Variants in ZNF616 observed in about 807,000 individuals in gnomAD.
The protein encoded by ZNF616 is zinc finger protein 616.
ZNF616 carries 5 observed loss-of-function variants against 7.6 expected under a neutral mutation model. The ratio of observed to expected loss-of-function variants is 0.66; its 90% CI spans 0.34 to 1.38. The LOEUF (loss-of-function observed/expected upper bound fraction) is 1.38. Among genes scored for constraint, ZNF616 ranks in the 40% most tolerant of loss-of-function variants. The pLI, the probability that ZNF616 is intolerant of heterozygous loss-of-function variation, is 0.04. For synonymous variants in ZNF616, 319 were observed against 317.2 expected, an observed-to-expected ratio of 1.01 and a Z score of -0.06; for missense variants, 913 against 948.3, an observed-to-expected ratio of 0.96 and a Z score of 0.49.
intron 3 of ZNF616, among the ~76,000 whole-genome samples, chr19:52,122,637 ATTT>A (rs531564625): frequency 7.0e-6 from 1 of 142,750 alleles, no homozygotes. Flanking sequence ...TCCATTAACA[ATTT>A]TTTTTTTTTT....
rs1293795447 is a variant in ZNF616 at position 52,128,145 on chromosome 19, T to C, written c.12+2356A>G. ...ACTACCCTAAGGTGCAATGGTGTCC[T>C]CATACACCAACGACACATATTGGGT... On this transcript the variant is annotated intron_variant, in intron 2 of 3. Transcript: ENST00000600228. 2.0e-5 allele frequency among the ~76,000 whole-genome samples: 3 copies of C among 147,334 alleles called. No individual in the cohort carries two copies. In the East Asian group the frequency reaches 6.1e-4, roughly 30 times the overall value.
chr19:52,115,634 C>T lies in ZNF616; in HGVS notation c.1530G>A (p.Val510=), dbSNP rs758804951. ...KVFSQHSRLA[V]HRRIHTGEKP... is the part of the protein sequence containing the mutation. Reference sequence around the variant, plus strand: ...TCTCTCCAGTATGAATTCTCCGATGCACTGCAAGACGTGAATGTTGACTGA... The same window carrying T: ...TCTCTCCAGTATGAATTCTCCGATGTACTGCAAGACGTGAATGTTGACTGA... The change falls in exon 4 of 4, where the codon GTG becomes GTA. Residue 510 remains valine, a synonymous_variant. Transcript: ENST00000600228. 1 of 1,613,784 alleles carries T rather than the reference C, an allele frequency of 6.2e-7. No homozygotes were observed. Among genetic ancestry groups the T allele is most frequent in the East Asian group, 2.2e-5 (1 of 44,774 alleles).
chr19:52,123,380 T>C (rs1340863073), intron 3 of ZNF616, among the ~76,000 whole-genome samples: 1 of 152,046 alleles, frequency 6.6e-6, no homozygotes, highest in Non-Finnish European at 1.5e-5. Flanking sequence ...CCAAGCGTAC[T>C]GGCTCAAGCC....
At chr19:52,123,885 A>C in intron 3 of ZNF616, 38 bp downstream of exon 3, 1 of 1,612,696 alleles carries the variant, frequency 6.2e-7, no homozygotes. Flanking sequence ...AAAATGCACA[A>C]GGGCGAATCT....
intron 3 of ZNF616, among the ~76,000 whole-genome samples, chr19:52,123,518 G>A (rs1160965927): frequency 6.6e-6 from 1 of 152,136 alleles, no homozygotes; most frequent in Admixed American, 6.5e-5. Flanking sequence ...CATAATTCCA[G>A]CTACTTGGGA....
intron 3 of ZNF616, among the ~76,000 whole-genome samples, chr19:52,119,597 C>G (rs2088851294): frequency 6.6e-6 from 1 of 152,020 alleles, no homozygotes; most frequent in Non-Finnish European, 1.5e-5. Flanking sequence ...GAGTAATGTG[C>G]ATGGGGCAGC....
At chr19:52,134,522 G>A (rs1191670845) in intron 1 of ZNF616, among the ~76,000 whole-genome samples, 2 of 152,214 alleles carry the variant, frequency 1.3e-5, no homozygotes, top group Non-Finnish European at 2.9e-5. Context: ...TAGCTGAAGT[G>A]AGCCGGGGAG....
At chr19:52,130,674 G>T in intron 1 of ZNF616, 86 bp from the exon 2 acceptor site, 1 of 995,198 alleles carries the variant, frequency 1.0e-6, no homozygotes, top group Non-Finnish European at 1.5e-6. Flanking sequence ...GAAGAACTCA[G>T]CCTGTGGAGA....
chr19:52,116,579 T>C lies in ZNF616; in HGVS notation c.585A>G (p.Lys195=). Residue 195 remains lysine (K), a synonymous_variant, in exon 4 of 4, where the codon AAA becomes AAG. Coordinates refer to ENST00000600228, the MANE Select transcript of ZNF616 (RefSeq NM_178523.5). ...YVCNECGKAF[K]ASSSLINHQR... ...GATGATTAATAAGGCTGGAAGACGCTTTAAAGGCTTTGCCACATTCATTAC... is the reference window on the plus strand; with the variant it reads ...GATGATTAATAAGGCTGGAAGACGCCTTAAAGGCTTTGCCACATTCATTAC... 2 of 1,614,024 alleles carry C rather than the reference T, an allele frequency of 1.2e-6. No homozygotes were observed. Among genetic ancestry groups the C allele is most frequent in the Non-Finnish European group, 1.7e-6 (2 of 1,179,978 alleles).
Position 52,130,605 on chromosome 19 carries a change from C to A in ZNF616, c.-76-17G>T, listed in dbSNP as rs1435695841. 66 of 1,537,092 alleles carry A rather than the reference C, an allele frequency of 4.3e-5. No individual in the cohort carries two copies. The highest frequency in any genetic ancestry group is 5.3e-5 in the Non-Finnish European group (61 of 1,142,402). On this transcript the variant is annotated splice_polypyrimidine_tract_variant and intron_variant, in intron 1 of 3. Transcript: ENST00000600228. ...ACATCAAACCTGAAAGTTAAAAAAT[C>A]TGTTGTTTAATGCTTGGAAACAACA... is the stretch of plus-strand genomic sequence containing the variant.
intron 2 of ZNF616, among the ~76,000 whole-genome samples, chr19:52,127,221 A>G (rs1189886707): frequency 6.6e-6 from 1 of 152,148 alleles, no homozygotes; most frequent in East Asian, 1.9e-4. Flanking sequence ...TGTCCGGCTA[A>G]TATTTGTATT....
chr19:52,137,761 T>C (rs1182755311), intron 1 of ZNF616, among the ~76,000 whole-genome samples: 2 of 152,112 alleles, frequency 1.3e-5, no homozygotes, highest in Non-Finnish European at 2.9e-5. Flanking sequence ...AAAAATCTAA[T>C]AAATTATGGG....
intron 1 of ZNF616, among the ~76,000 whole-genome samples, chr19:52,137,862 T>C (rs1219624813): frequency 1.3e-5 from 2 of 152,222 alleles, no homozygotes. Context: ...TTAGTAATTA[T>C]AGAAGAAACT....
intron 3 of ZNF616, 101 bp downstream of exon 3, chr19:52,123,822 C>CT: frequency 6.9e-7 from 1 of 1,440,650 alleles, no homozygotes; most frequent in Non-Finnish European, 9.7e-7. Flanking sequence ...ACCAATAAGG[C>CT]TTCAGTCTCA....
Position 52,116,347 on chromosome 19 carries a change from C to G in ZNF616, c.817G>C (p.Glu273Gln), listed in dbSNP as rs753571342. 1.9e-6 allele frequency: 3 copies of G among 1,614,164 alleles called. No individual in the cohort carries two copies. Among genetic ancestry groups the G allele is most frequent in the Non-Finnish European group, 2.5e-6 (3 of 1,180,020 alleles). Residue 273 changes from glutamate (E) to glutamine (Q), a missense_variant, in exon 4 of 4, where the codon GAA (glutamate) becomes CAA (glutamine). Transcript: ENST00000600228. ...HTGQKPYICN[E>Q]CGKSFSKSSH... ...CTTTTACTAAAGGACTTGCCACATTCATTACATATGTAGGGTTTCTGTCCA... is the reference window on the plus strand; with the variant it reads ...CTTTTACTAAAGGACTTGCCACATTGATTACATATGTAGGGTTTCTGTCCA...
chr19:52,137,051 G>GTATA (rs2089016104), intron 1 of ZNF616, among the ~76,000 whole-genome samples: 1 of 64,758 alleles, frequency 1.5e-5, no homozygotes. Context: ...ATTTATGTAT[G>GTATA]TGTATATATA....
rs752253751 is a variant in ZNF616 at position 52,115,514 on chromosome 19, T to A, written c.1650A>T (p.Lys550Asn). The stretch of plus-strand genomic sequence containing the variant: ...TGAAGACCTTGCCACATTCTTTGCA[T>A]TTGTAAGGCTTCTCTCCAGTATGAA... Reference protein sequence around the residue: ...RRIHTGEKPYKCKECGKVFSQ... With the variant: ...RRIHTGEKPYNCKECGKVFSQ... Residue 550 changes from lysine to asparagine, a missense_variant, in exon 4 of 4, where the codon AAA becomes AAT. By Grantham distance (94) the Lys-to-Asn change is moderately conservative. Transcript: ENST00000600228. 3 of 1,614,046 alleles carry A rather than the reference T, an allele frequency of 1.9e-6. No individual in the cohort carries two copies. The highest frequency in any genetic ancestry group is 3.3e-5 in the Admixed American group (2 of 60,004).
At chr19:52,135,986 TG>T (rs2089003306) in intron 1 of ZNF616, among the ~76,000 whole-genome samples, 1 of 150,768 alleles carries the variant, frequency 6.6e-6, no homozygotes, top group Non-Finnish European at 1.5e-5. Flanking sequence ...AAAAATTAGC[TG>T]GGCATGGTGG....
chr19:52,131,930 G>A lies in ZNF616; in HGVS notation c.-76-1342C>T, dbSNP rs1432364563. Among the ~76,000 whole-genome samples the A allele has an allele frequency of 4.6e-5, 7 of 151,988 alleles. No individual in the cohort carries two copies. In the East Asian group the frequency reaches 5.8e-4, roughly 13 times the overall value. On this transcript the variant is annotated intron_variant, in intron 1 of 3. Transcript: ENST00000600228. The stretch of plus-strand genomic sequence containing the variant: ...AGGGACAGCCCAGGTAGACACCCTC[G>A]GCTCCAGGAATAGGAAAGAGGCCTG...
Sources: allele counts gnomAD v4.1 joint callset (sites outside exome capture counted in the v4.1 genomes callset), GRCh38; gene constraint gnomAD v4.1.1; transcripts MANE v1.5; gene names NCBI Gene and HGNC (gene_info 2026-07-23, HGNC 2026-07-21).